IKZF2: variants seen among roughly 807,000 people sequenced by gnomAD.
IKZF2 encodes zinc finger protein Helios.
Under a neutral mutation model 49.2 loss-of-function variants are expected in IKZF2, and 15 were observed. The observed-to-expected ratio is 0.30, with a 90% confidence interval of 0.20 to 0.47. The LOEUF (loss-of-function observed/expected upper bound fraction) is 0.47. Ranked by LOEUF, IKZF2 falls within the 20% of genes least tolerant of loss-of-function variation. The pLI, the probability that IKZF2 is intolerant of heterozygous loss-of-function variation, is 1.00. For missense variants in IKZF2, 567 were observed against 664.6 expected (o/e 0.85, Z 1.61); for synonymous variants, 227 against 221.4 (o/e 1.03, Z -0.23).
chr2:213,139,221 G>C (rs1295772959), intron 4 of IKZF2, among the ~76,000 whole-genome samples: 1 of 151,868 alleles, frequency 6.6e-6, no homozygotes, highest in African/African-American at 2.4e-5. Context: ...GGGGGATTTA[G>C]CCTAGGAAGC....
chr2:213,038,040 C>CTGTTT (rs1364888173), intron 6 of IKZF2, among the ~76,000 whole-genome samples: 9 of 150,290 alleles, frequency 6.0e-5, no homozygotes, highest in South Asian at 4.2e-4. Flanking sequence ...TCATGGTGGT[C>CTGTTT]TGTTTTGTTT....
intron 8 of IKZF2, among the ~76,000 whole-genome samples, chr2:213,009,223 A>G (rs1360028917): frequency 6.6e-6 from 1 of 152,088 alleles, no homozygotes; most frequent in Admixed American, 6.6e-5. Context: ...TTTTACTCCA[A>G]TATTTTACAT....
chr2:213,055,341 T>C (rs1353765600), intron 5 of IKZF2, among the ~76,000 whole-genome samples: 1 of 152,056 alleles, frequency 6.6e-6, no homozygotes, highest in Non-Finnish European at 1.5e-5. Context: ...TTACTTTTTA[T>C]CAAATAGATA....
chr2:213,082,002 G>T (rs1270042201), intron 4 of IKZF2, among the ~76,000 whole-genome samples: 3 of 152,172 alleles, frequency 2.0e-5, no homozygotes, highest in Non-Finnish European at 4.4e-5. Context: ...ATTTTAATAA[G>T]AACTTTATAG....
At chr2:213,029,787 T>C (rs1450216629) in intron 6 of IKZF2, among the ~76,000 whole-genome samples, 3 of 152,112 alleles carry the variant, frequency 2.0e-5, no homozygotes, top group African/African-American at 7.2e-5. Context: ...TACTACTTAA[T>C]AAAATGAAAC....
intron 4 of IKZF2, among the ~76,000 whole-genome samples, chr2:213,101,037 A>AAGAG (rs968645290): frequency 6.6e-6 from 1 of 151,134 alleles, no homozygotes; most frequent in Non-Finnish European, 1.5e-5. Context: ...GAGAGAAAGA[A>AAGAG]AGAGAGAGAG....
rs914015139 is a variant in IKZF2 at position 213,056,698 on chromosome 2, C to G, written c.406+135G>C. 3 of 1,047,714 alleles carry G rather than the reference C, an allele frequency of 2.9e-6. No individual in the cohort carries two copies. In the African/African-American group the frequency reaches 4.7e-5, roughly 16 times the overall value. The allele number at this position is 1,047,714 out of a possible 1,614,324, so 64.9% of individuals were successfully genotyped here. ...AGGCTACTCTCTGTTTTTCTGCAAT[C>G]CAATACTAGCAGAATTCTGAAAAGG... On this transcript the variant is annotated intron_variant, in intron 5 of 8. Coordinates refer to ENST00000434687, the MANE Select transcript of IKZF2 (RefSeq NM_001387220.1).
chr2:213,067,354 T>A (rs1417531084), intron 4 of IKZF2, among the ~76,000 whole-genome samples: 1 of 151,990 alleles, frequency 6.6e-6, no homozygotes, highest in Non-Finnish European at 1.5e-5. Flanking sequence ...TGTAAAATAG[T>A]ACTAAAAGTT....
intron 7 of IKZF2, chr2:213,014,619 C>T (rs919413174): frequency 2.6e-5 from 4 of 151,994 alleles, no homozygotes; most frequent in African/African-American, 7.2e-5. Context: ...AACTACTGCC[C>T]TAATTCATTT....
intron 8 of IKZF2, among the ~76,000 whole-genome samples, chr2:213,011,584 C>G (rs538113237): frequency 1.3e-5 from 2 of 152,078 alleles, no homozygotes; most frequent in Admixed American, 1.3e-4. Flanking sequence ...ATTTTATCCC[C>G]TGTGAATATA....
At chr2:213,139,233 A>G (rs1359369001) in intron 4 of IKZF2, among the ~76,000 whole-genome samples, 1 of 151,912 alleles carries the variant, frequency 6.6e-6, no homozygotes, top group East Asian at 1.9e-4. Context: ...CTAGGAAGCC[A>G]AGGGGAAAAA....
chr2:213,110,602 T>C (rs1200996416), intron 4 of IKZF2, among the ~76,000 whole-genome samples: 1 of 152,036 alleles, frequency 6.6e-6, no homozygotes, highest in Non-Finnish European at 1.5e-5. Context: ...TCCCATCTTT[T>C]GATATGAAAA....
chr2:213,091,239 A>AAGAG (rs1705294750), intron 4 of IKZF2, among the ~76,000 whole-genome samples: 1 of 152,178 alleles, frequency 6.6e-6, no homozygotes. Context: ...TTCACTAAAA[A>AAGAG]TAATATTTTT....
At chr2:213,025,478 CT>C (rs1697717000) in intron 6 of IKZF2, among the ~76,000 whole-genome samples, 1 of 152,152 alleles carries the variant, frequency 6.6e-6, no homozygotes, top group Non-Finnish European at 1.5e-5. Context: ...TGATGCATTA[CT>C]TATAACAACT....
In IKZF2 at chr2:213,007,590, T is replaced by C; in HGVS notation, c.1351A>G (p.Lys451Glu). The C allele has an allele frequency of 1.2e-6, 2 of 1,613,692 alleles. No individual in the cohort carries two copies. The highest frequency in any genetic ancestry group is 8.5e-7 in the Non-Finnish European group (1 of 1,179,730). ...VKALDTTKAP[K>E]GSLKDIYKVF... ...TTGTAGATGTCCTTCAGAGAGCCCT[T>C]AGGAGCCTTGGTAGTATCCAAAGCT... is the stretch of plus-strand genomic sequence containing the variant. Residue 451 changes from lysine to glutamate, a missense_variant, in exon 9 of 9, where the codon AAG becomes GAG. Physicochemically the swap from Lys to Glu is moderately conservative, Grantham distance 56 (BLOSUM62 1). This residue lies in a region of IKZF2 where 310 missense variants were observed against 326.9 expected (regional missense o/e 0.95). Coordinates refer to ENST00000434687, the MANE Select transcript of IKZF2 (RefSeq NM_001387220.1).
intron 4 of IKZF2, among the ~76,000 whole-genome samples, chr2:213,121,414 G>A (rs2060053345): frequency 6.6e-6 from 1 of 152,230 alleles, no homozygotes; most frequent in South Asian, 2.1e-4. Context: ...CCTATCTTAG[G>A]CAAATCAGTA....
At chr2:213,059,396 T>C (rs928243778) in intron 4 of IKZF2, among the ~76,000 whole-genome samples, 1 of 151,732 alleles carries the variant, frequency 6.6e-6, no homozygotes, top group African/African-American at 2.4e-5. Context: ...TTCTATATCT[T>C]GCATCAACAG....
intron 4 of IKZF2, among the ~76,000 whole-genome samples, chr2:213,091,736 T>G (rs1705355061): frequency 6.6e-6 from 1 of 152,152 alleles, no homozygotes; most frequent in South Asian, 2.1e-4. Flanking sequence ...GAAAATTTAA[T>G]AAAAGAAAGA....
intron 4 of IKZF2, among the ~76,000 whole-genome samples, chr2:213,110,014 G>A (rs1261509486): frequency 6.6e-6 from 1 of 152,030 alleles, no homozygotes; most frequent in Non-Finnish European, 1.5e-5. Flanking sequence ...TGATCTGAGT[G>A]TAAGGAATCT....
Sources: allele counts gnomAD v4.1 joint callset (sites outside exome capture counted in the v4.1 genomes callset), GRCh38; gene constraint gnomAD v4.1.1; regional missense constraint gnomAD v4.1.1; transcripts MANE v1.5; gene names NCBI Gene and HGNC (gene_info 2026-07-23, HGNC 2026-07-21).